ZNF786: variants seen among roughly 807,000 people sequenced by gnomAD.
ZNF786 encodes the protein zinc finger protein 786.
ZNF786 carries 56 observed loss-of-function variants against 63.1 expected under a neutral mutation model. The ratio of observed to expected loss-of-function variants is 0.89; its 90% confidence interval spans 0.72 to 1.11. ZNF786 has a LOEUF of 1.11. Ranked by LOEUF, ZNF786 falls within the 50% of genes least tolerant of loss-of-function variation. The probability of loss-of-function intolerance (pLI) is 0.00; values close to 1 mark genes in which losing one functional copy is unlikely to be tolerated. For missense variants in ZNF786, 1,213 were observed against 1,041.8 expected, an observed-to-expected ratio of 1.16 and a Z score of -2.26; for synonymous variants, 485 against 406.9, an observed-to-expected ratio of 1.19 and a Z score of -2.31.
In ZNF786 at chr7:149,070,828, A is replaced by G; in HGVS notation, c.1944T>C (p.Pro648=). The change falls in exon 4 of 4, where the codon CCT becomes CCC. Residue 648 remains proline, a synonymous_variant. Coordinates refer to ENST00000491431, the MANE Select transcript of ZNF786 (RefSeq NM_152411.4). ...AGCCCTTGCCGCACTCACAGGAGAAAGGCATCTCCCCGCTGTGCAGCAGCT... is the reference window on the plus strand; with the variant it reads ...AGCCCTTGCCGCACTCACAGGAGAAGGGCATCTCCCCGCTGTGCAGCAGCT... ...AHQLLHSGEM[P]FSCECGKGFV... 6.2e-7 allele frequency: 1 copy of G among 1,613,304 alleles called. No homozygotes were observed. Among genetic ancestry groups the G allele is most frequent in the Non-Finnish European group, 8.5e-7 (1 of 1,179,826 alleles).
At position 149,090,629 on chromosome 7, in the gene ZNF786, C is replaced by T. The variant is rs774760294; in HGVS notation, c.12G>A (p.Pro4=). 3.1e-6 allele frequency: 5 copies of T among 1,591,564 alleles called. No homozygotes were observed. The highest frequency in any genetic ancestry group is 1.7e-5 in the Admixed American group (1 of 58,640). The change falls in exon 1 of 4, where the codon CCG becomes CCA. Residue 4 remains proline, a synonymous_variant. Coordinates refer to ENST00000491431, the MANE Select transcript of ZNF786 (RefSeq NM_152411.4). The stretch of plus-strand genomic sequence containing the variant: ...AACAGGCTAGCCCGCTTACCCGAGG[C>T]GGCTCCGCCATGGTCCCCGCGGTCC... MAE[P]PRLPLTFEDV...
At chr7:149,082,650 A>G (rs149036229) in intron 1 of ZNF786, 2,544 of 163,320 alleles carry the variant, frequency 0.016, 28 homozygotes, top group Non-Finnish European at 0.022. Flanking sequence ...GCGTGATCTT[A>G]GCTCACTGCA....
intron 2 of ZNF786, among the ~76,000 whole-genome samples, chr7:149,075,655 GTTTTTTTTTTT>G (rs1165713050): frequency 2.6e-4 from 18 of 69,466 alleles, no homozygotes; most frequent in South Asian, 7.0e-4. Flanking sequence ...CACACTTCAG[GTTTTTTTTTTT>G]TTTTTTTTTT....
rs368404639 is a variant in ZNF786 at position 149,072,043 on chromosome 7, G to A, written c.729C>T (p.Gly243=). ...TCCGGCGGAAGCTCTTACCGCACACGCCACACCGGAAGTGCCTCTGTACCC... is the reference window on the plus strand; with the variant it reads ...TCCGGCGGAAGCTCTTACCGCACACACCACACCGGAAGTGCCTCTGTACCC... ...SPRVQRHFRC[G]VCGKSFRRKL... is the part of the protein sequence containing the mutation. Residue 243 remains glycine, a synonymous_variant, in exon 4 of 4, where the codon GGC becomes GGT. Transcript: ENST00000491431. 22 of 1,613,080 alleles carry A rather than the reference G, an allele frequency of 1.4e-5. No individual in the cohort carries two copies. Among genetic ancestry groups the A allele is most frequent in the South Asian group, 1.1e-5 (1 of 91,044 alleles).
rs1373676793 is a variant in ZNF786 at position 149,070,089 on chromosome 7, T to C, written c.*334A>G. 4.9e-6 allele frequency: 1 copy of C among 203,830 alleles called. No individual in the cohort carries two copies. Among genetic ancestry groups the C allele is most frequent in the Non-Finnish European group, 1.0e-5 (1 of 99,336 alleles). The allele number at this position is 203,830 out of a possible 1,614,324, so 12.6% of individuals were successfully genotyped here. On this transcript the variant is annotated 3_prime_UTR_variant, in exon 4 of 4. Coordinates refer to ENST00000491431, the MANE Select transcript of ZNF786 (RefSeq NM_152411.4). ...ACATATAACCTCGTAGAAATTGTTT[T>C]CGTTTGCAGATGCCTCCTTTTTCAT...
intron 1 of ZNF786, chr7:149,081,158 C>T: frequency 2.2e-6 from 1 of 456,350 alleles, no homozygotes; most frequent in South Asian, 1.5e-5. Flanking sequence ...CAGTATTCAG[C>T]CAGGCGCAGT....
Position 149,072,142 on chromosome 7 carries a change from T to C in ZNF786, c.630A>G (p.Ser210=). 1 of 1,613,236 alleles carries C rather than the reference T, an allele frequency of 6.2e-7. No homozygotes were observed. ...NHLVMHQRGH[S]KDRTRRAWEK... ...CCCAGGCCCTACGTGTCCGGTCCTT[T>C]GAGTGGCCTCTCTGGTGCATTACTA... Residue 210 remains serine (S), a synonymous_variant, in exon 4 of 4, where the codon TCA becomes TCG. Coordinates refer to ENST00000491431, the MANE Select transcript of ZNF786 (RefSeq NM_152411.4).
Position 149,070,273 on chromosome 7 carries a change from T to G in ZNF786, c.*150A>C. The G allele has an allele frequency of 1.0e-6, 1 of 970,506 alleles. No homozygotes were observed. The highest frequency in any genetic ancestry group is 1.5e-6 in the Non-Finnish European group (1 of 655,474). The allele number at this position is 970,506 out of a possible 1,614,324, so 60.1% of individuals were successfully genotyped here. ...ATGCTTCTGAAGAGAAAATCCTTTG[T>G]GGTTCTTCATATTCCTAACTTGCAT... On this transcript the variant is annotated 3_prime_UTR_variant, in exon 4 of 4. Coordinates refer to ENST00000491431, the MANE Select transcript of ZNF786 (RefSeq NM_152411.4).
chr7:149,090,596 G>C (rs1446771391), intron 1 of ZNF786, 27 bp downstream of exon 1: 1 of 1,566,774 alleles, frequency 6.4e-7, no homozygotes, highest in African/African-American at 1.4e-5. Flanking sequence ...CCCGAAACCG[G>C]GCGTCCAAAC....
In ZNF786 at chr7:149,070,666, C is replaced by T. The variant is rs1443032359; in HGVS notation, c.2106G>A (p.Arg702=). The T allele has an allele frequency of 6.2e-7, 1 of 1,613,986 alleles. No individual in the cohort carries two copies. Among genetic ancestry groups the T allele is most frequent in the Admixed American group, 1.7e-5 (1 of 60,028 alleles). The change falls in exon 4 of 4, where the codon AGG becomes AGA. Residue 702 remains arginine (R), a synonymous_variant. Transcript: ENST00000491431. ...TGTCACACTCAGGGCAGTGAAAAGG[C>T]CTCTCCCCTGTGTGCAGGCCCTGAT... ...LSHQGLHTGE[R]PFHCPECDKN...
intron 2 of ZNF786, among the ~76,000 whole-genome samples, chr7:149,075,044 G>C (rs1375097933): frequency 6.6e-6 from 1 of 151,646 alleles, no homozygotes; most frequent in Admixed American, 6.6e-5. Flanking sequence ...GCCCAGGCTG[G>C]TTTCAAATTC....
intron 2 of ZNF786, 122 bp from the exon 3 acceptor site, chr7:149,074,660 ACAGGTTTACACAAAGATG>A (rs374315583): frequency 5.2e-6 from 6 of 1,157,874 alleles, no homozygotes; most frequent in Non-Finnish European, 7.1e-6. Context: ...AAAAAAAAAA[ACAGGTTTACACAAAGATG>A]AAAAAACCGC....
chr7:149,072,317 A>G lies in ZNF786; in HGVS notation c.455T>C (p.Leu152Pro). 1 of 1,613,638 alleles carries G rather than the reference A, an allele frequency of 6.2e-7. No individual in the cohort carries two copies. Among genetic ancestry groups the G allele is most frequent in the Non-Finnish European group, 8.5e-7 (1 of 1,179,784 alleles). ...GGTAGATTCACTGGGGCCGCAGGCT[A>G]GTGGTGGAGGAGCCCTGGCGTCGTG... Reference protein sequence around the residue: ...QRHDARAPPPLACGPSESTLK... With the variant: ...QRHDARAPPPPACGPSESTLK... Residue 152 changes from leucine (L) to proline (P), a missense_variant, in exon 4 of 4, where the codon CTA (leucine) becomes CCA (proline). By Grantham distance (98) the Leu-to-Pro change is moderately conservative (BLOSUM62 -3). Transcript: ENST00000491431.
At chr7:149,073,739 GTGTGTGTGTA>G (rs1412832383) in intron 3 of ZNF786, among the ~76,000 whole-genome samples, 8 of 68,968 alleles carry the variant, frequency 1.2e-4, no homozygotes, top group African/African-American at 4.4e-4. Context: ...GTGTGTGTGT[GTGTGTGTGTA>G]TATATATATA....
chr7:149,073,730 T>C (rs1265563565), intron 3 of ZNF786, among the ~76,000 whole-genome samples: 4 of 66,860 alleles, frequency 6.0e-5, no homozygotes, highest in African/African-American at 2.7e-4. Context: ...TGTGCGTGTG[T>C]GTGTGTGTGT....
At chr7:149,088,686 A>C (rs1407034155) in intron 1 of ZNF786, among the ~76,000 whole-genome samples, 2 of 152,132 alleles carry the variant, frequency 1.3e-5, no homozygotes, top group Non-Finnish European at 2.9e-5. Flanking sequence ...CAAGTTTAAC[A>C]TTTTTCTTCA....
At position 149,072,329 on chromosome 7, in the gene ZNF786, G is replaced by C; in HGVS notation, c.443C>G (p.Ala148Gly). Residue 148 changes from alanine (A) to glycine (G), a missense_variant, in exon 4 of 4, where the codon GCT becomes GGT. Physicochemically the swap from Ala to Gly is moderately conservative, Grantham distance 60 (BLOSUM62 0). Transcript: ENST00000491431. ...LGSPQRHDAR[A>G]PPPLACGPSE... Reference sequence around the variant, plus strand: ...GGGGCCGCAGGCTAGTGGTGGAGGAGCCCTGGCGTCGTGTCTCTGTGGGCT... The same window carrying C: ...GGGGCCGCAGGCTAGTGGTGGAGGACCCCTGGCGTCGTGTCTCTGTGGGCT... 6.2e-7 allele frequency: 1 copy of C among 1,613,802 alleles called. No individual in the cohort carries two copies. Among genetic ancestry groups the C allele is most frequent in the Non-Finnish European group, 8.5e-7 (1 of 1,179,830 alleles).
intron 1 of ZNF786, among the ~76,000 whole-genome samples, chr7:149,089,018 G>T (rs1187681968): frequency 6.7e-6 from 1 of 149,124 alleles, no homozygotes; most frequent in Non-Finnish European, 1.5e-5. Flanking sequence ...GTGCAGTGGC[G>T]CGATCTCGGC....
chr7:149,090,131 T>C (rs1825806174), intron 1 of ZNF786, among the ~76,000 whole-genome samples: 2 of 152,236 alleles, frequency 1.3e-5, no homozygotes, highest in African/African-American at 4.8e-5. Flanking sequence ...TCTTCTACTC[T>C]TCCCAACGTA....
Sources: allele counts gnomAD v4.1 joint callset (sites outside exome capture counted in the v4.1 genomes callset), GRCh38; gene constraint gnomAD v4.1.1; transcripts MANE v1.5; gene names NCBI Gene and HGNC (gene_info 2026-07-23, HGNC 2026-07-21).